The following ZNF600 variants were observed in gnomAD, a reference collection of about 807,000 sequenced individuals.
ZNF600 encodes zinc finger protein 600.
ZNF600 carries 4 observed loss-of-function variants against 7.3 expected under a neutral mutation model. The ratio of observed to expected loss-of-function variants is 0.55; its 90% CI spans 0.27 to 1.25. ZNF600 has a LOEUF of 1.25. ZNF600 is among the 50% of genes most tolerant of loss of function. ZNF600 has a pLI of 0.12. For missense variants in ZNF600, 911 were observed against 922.1 expected (o/e 0.99, Z 0.16); for synonymous variants, 290 against 308.9 (o/e 0.94, Z 0.64).
At chr19:52,774,978 A>G (rs997016196) in intron 2 of ZNF600, among the ~76,000 whole-genome samples, 20 of 152,298 alleles carry the variant, frequency 1.3e-4, no homozygotes, top group African/African-American at 3.1e-4. Flanking sequence ...GGTGGTTCAC[A>G]CCTGTAATCC....
At chr19:52,770,844 T>G (rs2062624734) in intron 3 of ZNF600, among the ~76,000 whole-genome samples, 5 of 152,164 alleles carry the variant, frequency 3.3e-5, no homozygotes, top group Admixed American at 1.3e-4. Context: ...TTTCTTTATC[T>G]ACTTTTGAGA....
the ZNF600 span, among the ~76,000 whole-genome samples, chr19:52,829,216 T>TTA: frequency 4.6e-4 from 22 of 47,534 alleles, no homozygotes; most frequent in Admixed American, 3.8e-3. Context: ...TTATTTTATT[T>TTA]TATTTTATTT....
At chr19:52,798,677 T>C in the ZNF600 span, 31 of 440,384 alleles carry the variant, frequency 7.0e-5, no homozygotes, top group Admixed American at 7.9e-4. Context: ...GCCACAATCA[T>C]GACATTTATA....
chr19:52,833,593 C>CT, the ZNF600 span, among the ~76,000 whole-genome samples: 1 of 152,136 alleles, frequency 6.6e-6, no homozygotes, highest in Non-Finnish European at 1.5e-5. Flanking sequence ...TTCTGAGCTG[C>CT]TTCCTCATGT....
chr19:52,766,975 G>A (rs2062587092), exon 4 of ZNF600: 1 of 1,614,102 alleles, frequency 6.2e-7, no homozygotes, highest in Non-Finnish European at 8.5e-7. Flanking sequence ...TGAATTACAA[G>A]GGCTGAATTT....
At chr19:52,788,806 C>T (rs1159923991), upstream of ZNF600, among the ~76,000 whole-genome samples, 1 of 152,206 alleles carries the variant, frequency 6.6e-6, no homozygotes, top group Non-Finnish European at 1.5e-5. Flanking sequence ...GAATCACCTG[C>T]ACCATTGTAG....
the ZNF600 span, chr19:52,800,346 C>G: frequency 3.7e-6 from 6 of 1,613,952 alleles, no homozygotes; most frequent in Middle Eastern, 1.6e-4. Context: ...AGCCTTGTCA[C>G]AAACCTTACA....
chr19:52,804,765 A>C, the ZNF600 span, among the ~76,000 whole-genome samples: 4 of 152,196 alleles, frequency 2.6e-5, no homozygotes, highest in Non-Finnish European at 4.4e-5. Flanking sequence ...TTGGTCTCTG[A>C]AAGTGCTGGG....
the ZNF600 span, chr19:52,805,508 T>C: frequency 6.6e-6 from 1 of 151,730 alleles, no homozygotes. Flanking sequence ...ACACTTGTAG[T>C]TGCAGCTACT....
the ZNF600 span, among the ~76,000 whole-genome samples, chr19:52,794,086 A>G: frequency 6.6e-6 from 1 of 151,790 alleles, no homozygotes; most frequent in Non-Finnish European, 1.5e-5. Context: ...TGAGGAGACA[A>G]CTGGACACAG....
chr19:52,774,887 G>C (rs867341649), intron 2 of ZNF600, among the ~76,000 whole-genome samples, 186 bp from the exon 5 acceptor site: 2 of 152,080 alleles, frequency 1.3e-5, no homozygotes, highest in African/African-American at 2.4e-5. Flanking sequence ...ATTTTAAGAT[G>C]CCATAAGTCA....
exon 4 of ZNF600, chr19:52,767,196 T>C (rs1357275525): frequency 1.2e-6 from 2 of 1,614,174 alleles, no homozygotes; most frequent in Non-Finnish European, 8.5e-7. Flanking sequence ...ATATTGTTTG[T>C]CTCCTAAATG....
intron 1 of ZNF600, among the ~76,000 whole-genome samples, chr19:52,784,538 G>T (rs1310356651): frequency 1.3e-5 from 2 of 152,102 alleles, no homozygotes; most frequent in Non-Finnish European, 2.9e-5. Flanking sequence ...CTGAATAACT[G>T]GGATTCCAAG....
the ZNF600 span, chr19:52,800,712 G>C: frequency 1.9e-6 from 3 of 1,613,546 alleles, no homozygotes; most frequent in African/African-American, 4.0e-5. Context: ...TTTCTCTCCA[G>C]TATGAAGCCT....
chr19:52,785,864 T>C (rs781102988), intron 1 of ZNF600, among the ~76,000 whole-genome samples: 15 of 152,010 alleles, frequency 9.9e-5, no homozygotes, highest in African/African-American at 2.9e-4. Flanking sequence ...TCCTTCATCT[T>C]TCTGTACATC....
the ZNF600 span, among the ~76,000 whole-genome samples, chr19:52,793,546 G>A: frequency 1.3e-5 from 2 of 152,298 alleles, no homozygotes; most frequent in East Asian, 1.9e-4. Context: ...GGCACAGGTA[G>A]GAGATGAGGT....
At chr19:52,801,724 A>G in the ZNF600 span, 1 of 1,598,136 alleles carries the variant, frequency 6.3e-7, no homozygotes, top group East Asian at 2.2e-5. Context: ...AAACACCAAT[A>G]GGTTTCCAAT....
At chr19:52,828,987 A>G in the ZNF600 span, among the ~76,000 whole-genome samples, 3 of 151,964 alleles carry the variant, frequency 2.0e-5, no homozygotes, top group African/African-American at 7.3e-5. Context: ...CAGACTCCCG[A>G]GTAGCTGGGA....
chr19:52,786,772 G>T, exon 1 of ZNF600: 1 of 292,098 alleles, frequency 3.4e-6, no homozygotes, highest in South Asian at 1.9e-5. Flanking sequence ...CCGCTTCCGG[G>T]TTTGTGCGCG....
Sources: gnomAD v4.1 joint callset for allele counts (sites outside exome capture counted in the v4.1 genomes callset) on GRCh38, gnomAD v4.1.1 for gene constraint, MANE v1.5 for transcripts, NCBI Gene and HGNC (gene_info 2026-07-23, HGNC 2026-07-21) for gene names.